The following FRYL variants were observed in gnomAD, a reference collection of about 807,000 sequenced individuals.
FRYL encodes FRY like transcription coactivator, also known as protein furry homolog-like.
In FRYL, 150 loss-of-function variants were observed where a neutral mutation model predicts 351.2. The ratio of observed to expected loss-of-function variants is 0.43; its 90% CI spans 0.37 to 0.49. The LOEUF is 0.49. FRYL is among the 20% of genes least tolerant of loss of function. The pLI is 0.00. For synonymous variants in FRYL, 1,153 were observed against 1,257.1 expected (o/e 0.92, Z 1.75); for missense variants, 3,036 against 3,619.3 (o/e 0.84, Z 4.13).
At chr4:48,675,732 C>T (rs1294806353) in intron 3 of FRYL, among the ~76,000 whole-genome samples, 4 of 152,220 alleles carry the variant, frequency 2.6e-5, no homozygotes, top group Non-Finnish European at 4.4e-5. Context: ...TGCGAGTGCA[C>T]AGCACGGGAC....
Position 48,567,491 on chromosome 4 carries a change from C to T in FRYL, c.2997-71G>A. ...TGATTTAAATAAAAAATTCTTAATA[C>T]TCAAAATCAGAATAATACATGTTAA... is the stretch of plus-strand genomic sequence containing the variant. On this transcript the variant is annotated intron_variant, in intron 27 of 63. Coordinates refer to ENST00000358350, the MANE Select transcript of FRYL (RefSeq NM_015030.2). The surrounding 1 kb of genome is among the most constrained non-coding windows in gnomAD (Gnocchi z 4.2). The T allele has an allele frequency of 8.7e-7, 1 of 1,155,870 alleles. No individual in the cohort carries two copies. Among genetic ancestry groups the T allele is most frequent in the African/African-American group, 1.6e-5 (1 of 63,340 alleles). The allele number at this position is 1,155,870 out of a possible 1,614,324, so 71.6% of individuals were successfully genotyped here. A position where few individuals can be genotyped will look rare whatever the true frequency, so the allele number is the denominator to read the frequency against.
In FRYL at chr4:48,669,906, A is replaced by T. The variant is rs934866645; in HGVS notation, c.-81+14767T>A. ...GTCTAAAAAGACAGCTTTTAAAATA[A>T]TTTTTTTACTGTCAATTTTTTTTTT... On this transcript the variant is annotated intron_variant, in intron 3 of 63. Coordinates refer to ENST00000358350, the MANE Select transcript of FRYL (RefSeq NM_015030.2). Among the ~76,000 whole-genome samples, 11 of 151,730 alleles carry T rather than the reference A, an allele frequency of 7.2e-5. No individual in the cohort carries two copies. The East Asian group carries it at 7.7e-4, about 11-fold the overall frequency.
intron 25 of FRYL, among the ~76,000 whole-genome samples, chr4:48,573,886 A>C (rs1738953509): frequency 6.6e-6 from 1 of 152,136 alleles, no homozygotes; most frequent in African/African-American, 2.4e-5. Context: ...AGTTAATTTT[A>C]TATGCCAATA....
Position 48,499,271 on chromosome 4 carries a change from T to G in FRYL, c.*151A>C. On this transcript the variant is annotated 3_prime_UTR_variant, in exon 64 of 64. Coordinates refer to ENST00000358350, the MANE Select transcript of FRYL (RefSeq NM_015030.2). ...ATCAGATGTTTTTTTCTTTCAGATC[T>G]TTGTTTTTGATGATACAGTTTGACA... is the stretch of plus-strand genomic sequence containing the variant. The G allele has an allele frequency of 3.0e-6, 2 of 660,334 alleles. No individual in the cohort carries two copies. The highest frequency in any genetic ancestry group is 5.2e-6 in the Non-Finnish European group (2 of 383,884). 40.9% of individuals were successfully genotyped at this position (660,334 alleles called of 1,614,324 possible).
chr4:48,588,744 T>C (rs142783700), intron 18 of FRYL, among the ~76,000 whole-genome samples: 74 of 152,266 alleles, frequency 4.9e-4, no homozygotes, highest in African/African-American at 1.7e-3. Flanking sequence ...ATGTGCAGTG[T>C]CCCCCACCCA....
intron 1 of FRYL, among the ~76,000 whole-genome samples, chr4:48,720,112 T>C (rs1769300764): frequency 6.8e-6 from 1 of 146,696 alleles, no homozygotes; most frequent in Non-Finnish European, 1.5e-5. Context: ...ATTGTGCCAC[T>C]GCACTCCAGC....
chr4:48,737,315 ATAAACATTAAAAG>A (rs1395165750), intron 1 of FRYL, among the ~76,000 whole-genome samples: 1 of 151,922 alleles, frequency 6.6e-6, no homozygotes, highest in East Asian at 1.9e-4. Flanking sequence ...TACAGATTCC[ATAAACATTAAAAG>A]AATAATTAAG....
At chr4:48,662,616 T>G (rs548914451) in intron 3 of FRYL, among the ~76,000 whole-genome samples, 1 of 151,696 alleles carries the variant, frequency 6.6e-6, no homozygotes, top group South Asian at 2.1e-4. Flanking sequence ...AAACCAGTGA[T>G]AGAGAAAGAA....
In FRYL at chr4:48,549,123, C is replaced by G. The variant is rs962794748; in HGVS notation, c.4785-330G>C. 1.3e-5 allele frequency among the ~76,000 whole-genome samples: 2 copies of G among 152,084 alleles called. No individual in the cohort carries two copies. Among genetic ancestry groups the G allele is most frequent in the African/African-American group, 4.8e-5 (2 of 41,396 alleles). The stretch of plus-strand genomic sequence containing the variant: ...ACATTTTGAAAGAATGCAGTAATTG[C>G]TCTATTGTGATTTTGCTAAGTAGAA... On this transcript the variant is annotated intron_variant, in intron 39 of 63. Coordinates refer to ENST00000358350, the MANE Select transcript of FRYL (RefSeq NM_015030.2). This position sits in a 1 kb window ranked among gnomAD's most constrained non-coding sequence, Gnocchi z 4.2.
chr4:48,574,644 TTCA>T (rs1346571931), intron 25 of FRYL: 1 of 152,190 alleles, frequency 6.6e-6, no homozygotes, highest in African/African-American at 2.4e-5. Context: ...AAGGCAGAAC[TTCA>T]GGCAAAACTG....
At chr4:48,536,199 C>G (rs1325541391) in intron 47 of FRYL, among the ~76,000 whole-genome samples, 2 of 152,134 alleles carry the variant, frequency 1.3e-5, no homozygotes, top group Non-Finnish European at 1.5e-5. Flanking sequence ...GCAGATATAA[C>G]TAGGGAATTC....
intron 3 of FRYL, among the ~76,000 whole-genome samples, chr4:48,662,983 T>C (rs957536303): frequency 6.6e-6 from 1 of 152,080 alleles, no homozygotes; most frequent in African/African-American, 2.4e-5. Flanking sequence ...AAGAAGTTCT[T>C]CAGGTGGAAA....
chr4:48,652,255 T>C (rs1438600262), intron 3 of FRYL, among the ~76,000 whole-genome samples: 2 of 152,350 alleles, frequency 1.3e-5, no homozygotes, highest in South Asian at 4.1e-4. Flanking sequence ...AATACACTGT[T>C]CTTCTATAAG....
At chr4:48,698,436 T>C (rs1272662982) in intron 2 of FRYL, among the ~76,000 whole-genome samples, 1 of 152,256 alleles carries the variant, frequency 6.6e-6, no homozygotes, top group East Asian at 1.9e-4. Flanking sequence ...GCTCCAAAGC[T>C]GGATGCTATC....
intron 19 of FRYL, among the ~76,000 whole-genome samples, chr4:48,584,785 AC>A (rs1423723740): frequency 6.6e-6 from 1 of 152,240 alleles, no homozygotes; most frequent in East Asian, 1.9e-4. Flanking sequence ...ACAGGTCTGC[AC>A]ATTTACAATG....
At chr4:48,606,748 C>A in intron 9 of FRYL, 142 bp from the exon 10 acceptor site, 1 of 539,506 alleles carries the variant, frequency 1.9e-6, no homozygotes, top group Non-Finnish European at 3.1e-6. Flanking sequence ...GAAAGGCACA[C>A]AGAGGAAAAT....
At position 48,506,615 on chromosome 4, in the gene FRYL, AATATATAT is replaced by A. The variant is rs55736457; in HGVS notation, c.8395-1008_8395-1001del. 8.8e-3 allele frequency: 626 copies of A among 71,232 alleles called. 3 individuals carry two copies. The highest frequency in any genetic ancestry group is 0.017 in the African/African-American group (179 of 10,768). The allele number at this position is 71,232 out of a possible 1,614,324, so 4.4% of individuals were successfully genotyped here. A position where few individuals can be genotyped will look rare whatever the true frequency, so the allele number is the denominator to read the frequency against. On this transcript the variant is annotated intron_variant, in intron 59 of 63. Transcript: ENST00000358350. Reference sequence around the variant, plus strand: ...AATTATACTATTAAACAATACAACTAATATATATATATATATATATATATATATATATA... The same window carrying A: ...AATTATACTATTAAACAATACAACTAATATATATATATATATATATATATA...
Position 48,744,785 on chromosome 4 carries a change from C to A in FRYL, c.-383-34087G>T, listed in dbSNP as rs569846216. Among the ~76,000 whole-genome samples, 413 of 152,182 alleles carry A rather than the reference C, an allele frequency of 2.7e-3. 3 individuals are homozygous for A. Among genetic ancestry groups the A allele is most frequent in the African/African-American group, 9.1e-3 (376 of 41,528 alleles). On this transcript the variant is annotated intron_variant, in intron 1 of 63. Transcript: ENST00000358350. The stretch of plus-strand genomic sequence containing the variant: ...CACAAAAAGTTTCTATTGTATTTAC[C>A]ATATTTGCGCTATTTGCAAAGATTA...
intron 19 of FRYL, among the ~76,000 whole-genome samples, chr4:48,583,097 T>A (rs1741263962): frequency 6.6e-6 from 1 of 152,180 alleles, no homozygotes; most frequent in Admixed American, 6.5e-5. Flanking sequence ...CTTAGCACTA[T>A]CGTCACATTT....
Sources: gnomAD v4.1 joint callset for allele counts (sites outside exome capture counted in the v4.1 genomes callset) on GRCh38, gnomAD v4.1.1 for gene constraint, Gnocchi (gnomAD v3.1) non-coding constraint, MANE v1.5 for transcripts, NCBI Gene and HGNC (gene_info 2026-07-23, HGNC 2026-07-21) for gene names.